The following PLD1 variants were observed in gnomAD, a reference collection of about 807,000 sequenced individuals.
PLD1 encodes choline phosphatase 1.
Under a neutral mutation model 137.1 loss-of-function variants are expected in PLD1, and 112 were observed. The ratio of observed to expected loss-of-function variants is 0.82; its 90% CI spans 0.70 to 0.96. The LOEUF (loss-of-function observed/expected upper bound fraction) is 0.96, where lower values mean the gene tolerates loss of function less well. Among genes scored for constraint, PLD1 ranks in the 40% least tolerant of loss-of-function variants. The pLI is 0.00. For missense variants in PLD1, 1,321 were observed against 1,342.0 expected (o/e 0.98, Z 0.24); for synonymous variants, 431 against 454.7 (o/e 0.95, Z 0.66).
chr3:171,784,936 A>G (rs909672385), intron 1 of PLD1, among the ~76,000 whole-genome samples: 7 of 152,218 alleles, frequency 4.6e-5, no homozygotes, highest in African/African-American at 1.7e-4. Context: ...TAGTCAATTA[A>G]CAGCTAATAA....
intron 1 of PLD1, among the ~76,000 whole-genome samples, chr3:171,742,454 T>C (rs1317476039): frequency 1.3e-5 from 2 of 151,276 alleles, no homozygotes; most frequent in Admixed American, 6.6e-5. Flanking sequence ...TAGTTACGAT[T>C]TACTTATTGC....
Position 171,617,115 on chromosome 3 carries a change from G to A in PLD1, c.2728+3271C>T, listed in dbSNP as rs376235999. Among the ~76,000 whole-genome samples the A allele has an allele frequency of 7.2e-4, 110 of 152,224 alleles. No homozygotes were observed. In the South Asian group the frequency reaches 0.021, roughly 28 times the overall value. On this transcript the variant is annotated intron_variant, in intron 24 of 26. Coordinates refer to ENST00000351298, the MANE Select transcript of PLD1 (RefSeq NM_002662.5). ...AACCCAAATGCCTGGCCCCAAACCA[G>A]ACCAACTAGATCATAATTTCTAGAA...
rs1713545934 is a variant in PLD1, at chr3:171,677,823, T to C, written c.1868-129A>G. On this transcript the variant is annotated intron_variant, in intron 16 of 26. Coordinates refer to ENST00000351298, the MANE Select transcript of PLD1 (RefSeq NM_002662.5). ...TAAGACACAACTAGGGTGGCATCTG[T>C]CCATTCTATTACAGGCTGTGGGCTA... 3.5e-6 allele frequency: 3 copies of C among 867,842 alleles called. No homozygotes were observed. The South Asian group carries it at 5.4e-5, about 16-fold the overall frequency. 53.8% of individuals were successfully genotyped at this position (867,842 alleles called of 1,614,324 possible).
intron 1 of PLD1, among the ~76,000 whole-genome samples, chr3:171,800,651 T>A (rs1723607327): frequency 6.6e-6 from 1 of 152,206 alleles, no homozygotes; most frequent in Admixed American, 6.5e-5. Flanking sequence ...CAGCCACCTG[T>A]CTTAGTCCAC....
intron 9 of PLD1, 29 bp from the exon 10 acceptor site, chr3:171,709,738 G>C (rs762964420): frequency 1.9e-5 from 30 of 1,598,292 alleles, no homozygotes; most frequent in Non-Finnish European, 2.2e-5. Context: ...ATATTGAAAA[G>C]ACTGGTCACT....
chr3:171,632,124 C>A (rs1358517774), intron 23 of PLD1, among the ~76,000 whole-genome samples: 2 of 152,014 alleles, frequency 1.3e-5, no homozygotes, highest in Non-Finnish European at 2.9e-5. Flanking sequence ...AAGAACACAA[C>A]CTCACTTCTG....
At chr3:171,716,649 G>T (rs1717706765) in intron 8 of PLD1, among the ~76,000 whole-genome samples, 1 of 152,176 alleles carries the variant, frequency 6.6e-6, no homozygotes, top group Admixed American at 6.5e-5. Flanking sequence ...TTAGGTCTTT[G>T]TCAGAAGCAC....
In PLD1 at chr3:171,662,183, A is replaced by C; in HGVS notation, c.2230-13T>G. The C allele has an allele frequency of 6.7e-7, 1 of 1,494,002 alleles. No individual in the cohort carries two copies. The highest frequency in any genetic ancestry group is 9.3e-7 in the Non-Finnish European group (1 of 1,071,966). The allele number at this position is 1,494,002 out of a possible 1,614,324, so 92.5% of individuals were successfully genotyped here. ...CAGAGCGGAGCAACTACAAGGCAGC[A>C]ATCAGAAATGAACAAGTATTAGCAA... On this transcript the variant is annotated splice_polypyrimidine_tract_variant and intron_variant, in intron 19 of 26. Transcript: ENST00000351298.
chr3:171,681,034 G>A (rs10222579), intron 16 of PLD1, among the ~76,000 whole-genome samples: 12,721 of 152,118 alleles, frequency 0.084, 1,580 homozygotes, highest in African/African-American at 0.27. Flanking sequence ...AAAGTCCTCC[G>A]TAAACTGCTA....
chr3:171,615,152 A>G (rs942506817), intron 24 of PLD1, among the ~76,000 whole-genome samples: 3 of 152,238 alleles, frequency 2.0e-5, no homozygotes, highest in Admixed American at 2.0e-4. Context: ...ATTCAGAAGA[A>G]CAGTTGTAGT....
chr3:171,771,420 T>A (rs1284136739), intron 1 of PLD1: 1 of 152,236 alleles, frequency 6.6e-6, no homozygotes, highest in Non-Finnish European at 1.5e-5. Context: ...CCTATAAGCT[T>A]TAGTAATGAA....
chr3:171,711,383 C>T (rs1490582938), intron 9 of PLD1, among the ~76,000 whole-genome samples: 1 of 150,346 alleles, frequency 6.7e-6, no homozygotes, highest in Non-Finnish European at 1.5e-5. Flanking sequence ...ATTGGCCAGG[C>T]TGGTCTCAAA....
At chr3:171,643,799 G>A (rs1735974604) in intron 22 of PLD1, among the ~76,000 whole-genome samples, 1 of 152,036 alleles carries the variant, frequency 6.6e-6, no homozygotes, top group South Asian at 2.1e-4. Context: ...TTCAGTCCAA[G>A]TATATAGGCC....
chr3:171,677,545 C>A (rs1176809224), intron 17 of PLD1, 21 bp downstream of exon 17: 1 of 1,610,066 alleles, frequency 6.2e-7, no homozygotes, highest in Admixed American at 1.7e-5. Context: ...ATAACCAGCA[C>A]CCCACCATTA....
At chr3:171,699,991 G>A (rs1022640763) in intron 11 of PLD1, among the ~76,000 whole-genome samples, 165 bp from the exon 12 acceptor site, 9 of 151,736 alleles carry the variant, frequency 5.9e-5, no homozygotes, top group African/African-American at 2.2e-4. Context: ...ACTTCGTATG[G>A]GAAAAATAGC....
rs1714608384 is a variant in PLD1, at chr3:171,686,782, A to T, written c.1770T>A (p.Tyr590Ter). 2 of 1,531,238 alleles carry T rather than the reference A, an allele frequency of 1.3e-6. No homozygotes were observed. Among genetic ancestry groups the T allele is most frequent in the Non-Finnish European group, 1.8e-6 (2 of 1,114,482 alleles). 94.9% of individuals were successfully genotyped at this position (1,531,238 alleles called of 1,614,324 possible). ...CATGGATTAAATTGTGATGACTTCTATAGTGATTAAAATAACCTAGAGAAA... is the reference window on the plus strand; with the variant it reads ...CATGGATTAAATTGTGATGACTTCTTTAGTGATTAAAATAACCTAGAGAAA... ...IDSTSSYFNH[Y>*]RSHHNLIHGL... Residue 590 changes from tyrosine to a stop codon, truncating the protein, a stop_gained, in exon 16 of 27, where the codon TAT (tyrosine) becomes TAA (stop). Transcript: ENST00000351298. LOFTEE classifies it high-confidence loss of function.
At position 171,734,942 on chromosome 3, in the gene PLD1, C is replaced by G. The variant is rs1483475023; in HGVS notation, c.463G>C (p.Glu155Gln). The G allele has an allele frequency of 5.6e-6, 9 of 1,612,940 alleles. No homozygotes were observed. The highest frequency in any genetic ancestry group is 7.6e-6 in the Non-Finnish European group (9 of 1,179,044). ...AAACTGGGCATCTCTCGAGGCTCCT[C>G]TCTGACGTTTTGCCTCCTAAACGTG... ...RHTFRRQNVR[E>Q]EPREMPSLPR... Residue 155 changes from glutamate to glutamine, a missense_variant, in exon 5 of 27, where the codon GAG (glutamate) becomes CAG (glutamine). Transcript: ENST00000351298.
chr3:171,700,602 TTAAGCCCTCTTTAGTTG>T (rs1349284808), intron 11 of PLD1, among the ~76,000 whole-genome samples: 1 of 152,202 alleles, frequency 6.6e-6, no homozygotes, highest in East Asian at 1.9e-4. Context: ...TCCTCAGTGT[TTAAGCCCTCTTTAGTTG>T]AACATTCTGT....
chr3:171,635,331 A>G (rs28749915), intron 23 of PLD1, among the ~76,000 whole-genome samples: 12,057 of 152,208 alleles, frequency 0.079, 1,358 homozygotes, highest in African/African-American at 0.25. Context: ...TAACTTTTGC[A>G]GAAATGCCAA....
Sources: gnomAD v4.1 joint callset for allele counts (sites outside exome capture counted in the v4.1 genomes callset) on GRCh38, gnomAD v4.1.1 for gene constraint, MANE v1.5 for transcripts, NCBI Gene and HGNC (gene_info 2026-07-23, HGNC 2026-07-21) for gene names.